The following SLCO1A2 variants were observed in gnomAD, a reference collection of about 807,000 sequenced individuals.
SLCO1A2 encodes the protein solute carrier organic anion transporter family member 1A2.
SLCO1A2 carries 67 observed loss-of-function variants against 69.0 expected under a neutral mutation model. That is an observed-to-expected ratio of 0.97 (90% CI 0.80 to 1.19). SLCO1A2 has a LOEUF of 1.19. Ranked by LOEUF, SLCO1A2 falls within the 50% of genes most tolerant of loss-of-function variation. The pLI is 0.00. For missense variants in SLCO1A2, 787 were observed against 793.7 expected, an observed-to-expected ratio of 0.99 and a Z score of 0.10; for synonymous variants, 260 against 265.9, an observed-to-expected ratio of 0.98 and a Z score of 0.22.
chr12:21,312,237 G>A (rs1950312525), intron 4 of SLCO1A2, among the ~76,000 whole-genome samples: 1 of 152,198 alleles, frequency 6.6e-6, no homozygotes, highest in Non-Finnish European at 1.5e-5. Context: ...GCACTTTTAT[G>A]TTATAAAGAC....
chr12:21,335,494 C>T (rs150095035), upstream of SLCO1A2, among the ~76,000 whole-genome samples: 15 of 151,780 alleles, frequency 9.9e-5, no homozygotes, highest in African/African-American at 3.4e-4. Flanking sequence ...TTCTACTAAT[C>T]CCATCAAAGA....
chr12:21,417,989 T>G (rs2137214514), exon 1 of SLCO1A2: 1 of 152,268 alleles, frequency 6.6e-6, no homozygotes, highest in Non-Finnish European at 1.5e-5. Context: ...GGGTCTCTAT[T>G]GAGGTAGGGG....
intron 2 of SLCO1A2, among the ~76,000 whole-genome samples, chr12:21,323,990 A>G (rs1009143295): frequency 1.3e-5 from 2 of 152,156 alleles, no homozygotes; most frequent in Non-Finnish European, 2.9e-5. Context: ...GGGATGACAA[A>G]TGAGAGAGAT....
chr12:21,297,486 T>C lies in SLCO1A2; in HGVS notation c.993A>G (p.Ala331=), dbSNP rs1434539789. Residue 331 remains alanine, a synonymous_variant, in exon 9 of 15, where the codon GCA becomes GCG. Coordinates refer to ENST00000683939, the MANE Select transcript of SLCO1A2 (RefSeq NM_001386879.1). ...FILVSVIQFN[A]FVNMISFMPK... ...GCATGAAGGAGATCATGTTAACGAA[T>C]GCATTGAACTGTATCACACTTACAA... The C allele has an allele frequency of 1.2e-6, 2 of 1,611,738 alleles. No homozygotes were observed. The highest frequency in any genetic ancestry group is 3.3e-5 in the Admixed American group (2 of 59,914).
chr12:21,373,701 A>G (rs1388060400), intron 2 of SLCO1A2: 1 of 701,850 alleles, frequency 1.4e-6, no homozygotes, highest in East Asian at 2.7e-5. Flanking sequence ...AGAGGGGCAA[A>G]GCCAGAACAT....
chr12:21,278,037 C>T (rs1183459823), intron 12 of SLCO1A2, among the ~76,000 whole-genome samples: 1 of 152,008 alleles, frequency 6.6e-6, no homozygotes, highest in East Asian at 2.0e-4. Context: ...TGAGTCCTGG[C>T]GTAGCAGCAT....
chr12:21,414,256 G>A (rs970581156), intron 1 of SLCO1A2, among the ~76,000 whole-genome samples: 1 of 149,782 alleles, frequency 6.7e-6, no homozygotes, highest in Non-Finnish European at 1.5e-5. Flanking sequence ...GGAATTAAAG[G>A]ATTGAGCCAC....
chr12:21,302,765 C>T lies in SLCO1A2; in HGVS notation c.590-1496G>A, dbSNP rs1948876359. ...AGAGATGGGGTTTTATCATATTGGACAGGCTGGTCTCGAACTCCTGAACTC... is the reference window on the plus strand; with the variant it reads ...AGAGATGGGGTTTTATCATATTGGATAGGCTGGTCTCGAACTCCTGAACTC... On this transcript the variant is annotated intron_variant, in intron 6 of 14. Coordinates refer to ENST00000683939, the MANE Select transcript of SLCO1A2 (RefSeq NM_001386879.1). Among the ~76,000 whole-genome samples the T allele has an allele frequency of 2.6e-5, 4 of 151,504 alleles. No individual in the cohort carries two copies. The South Asian group carries it at 8.3e-4, about 32-fold the overall frequency.
intron 2 of SLCO1A2, among the ~76,000 whole-genome samples, chr12:21,344,212 C>T (rs962202019): frequency 3.9e-5 from 6 of 152,030 alleles, no homozygotes; most frequent in South Asian, 4.1e-4. Flanking sequence ...TCCTGCCTTT[C>T]GGGAACTTCT....
chr12:21,364,633 T>C (rs887331217), intron 2 of SLCO1A2, among the ~76,000 whole-genome samples: 14 of 152,194 alleles, frequency 9.2e-5, no homozygotes, highest in Non-Finnish European at 1.6e-4. Flanking sequence ...GACATGATTG[T>C]ATATTTAGAA....
At chr12:21,341,605 T>C (rs1953070697) in intron 2 of SLCO1A2, among the ~76,000 whole-genome samples, 1 of 152,044 alleles carries the variant, frequency 6.6e-6, no homozygotes, top group South Asian at 2.1e-4. Flanking sequence ...ACTTAGAGTG[T>C]AATTTAGAAA....
intron 10 of SLCO1A2, 169 bp from the exon 11 acceptor site, chr12:21,294,279 CCTG>C: frequency 2.0e-6 from 1 of 488,764 alleles, no homozygotes. Flanking sequence ...ATAAAAGAGA[CCTG>C]CTTTGATGAC....
chr12:21,391,813 C>G (rs1941170680), intron 1 of SLCO1A2, among the ~76,000 whole-genome samples: 1 of 151,980 alleles, frequency 6.6e-6, no homozygotes, highest in Non-Finnish European at 1.5e-5. Flanking sequence ...ATTAATATGT[C>G]TAGTTCACTT....
upstream of SLCO1A2, among the ~76,000 whole-genome samples, chr12:21,396,736 G>T (rs1045562865): frequency 4.6e-5 from 7 of 152,108 alleles, no homozygotes; most frequent in African/African-American, 1.7e-4. Context: ...TTAAAGAAAA[G>T]AATTTTCAAC....
chr12:21,331,167 C>T (rs1383791955), intron 2 of SLCO1A2, among the ~76,000 whole-genome samples: 4 of 151,762 alleles, frequency 2.6e-5, no homozygotes, highest in African/African-American at 4.8e-5. Context: ...AAGAATCTGC[C>T]CATGACTCTT....
intron 3 of SLCO1A2, among the ~76,000 whole-genome samples, chr12:21,317,635 TG>T (rs1951048548): frequency 1.3e-5 from 2 of 152,200 alleles, no homozygotes; most frequent in South Asian, 4.1e-4. Context: ...ACTCTCTCAC[TG>T]GGATCAGCAC....
intron 2 of SLCO1A2, among the ~76,000 whole-genome samples, chr12:21,345,456 T>G (rs1004266703): frequency 6.6e-6 from 1 of 152,006 alleles, no homozygotes; most frequent in Non-Finnish European, 1.5e-5. Context: ...TGTTTTTCCT[T>G]TGGGCAAAGA....
At chr12:21,414,508 G>A (rs1484416651) in intron 1 of SLCO1A2, among the ~76,000 whole-genome samples, 2 of 151,938 alleles carry the variant, frequency 1.3e-5, no homozygotes. Flanking sequence ...ATCGCATTGT[G>A]TTCAAAGACT....
chr12:21,273,759 G>A (rs1160394900), intron 14 of SLCO1A2, among the ~76,000 whole-genome samples: 4 of 152,120 alleles, frequency 2.6e-5, no homozygotes, highest in East Asian at 1.9e-4. Context: ...AATCTCCTGC[G>A]TCTGCTCTCC....
Sources: allele counts gnomAD v4.1 joint callset (sites outside exome capture counted in the v4.1 genomes callset), GRCh38; gene constraint gnomAD v4.1.1; transcripts MANE v1.5; gene names NCBI Gene and HGNC (gene_info 2026-07-23, HGNC 2026-07-21).